Variants in PIAS2 observed in about 807,000 individuals in gnomAD.
PIAS2 encodes the protein E3 SUMO-protein ligase PIAS2.
PIAS2 carries 19 observed loss-of-function variants against 69.7 expected under a neutral mutation model. That is an observed-to-expected ratio of 0.27 (90% CI 0.19 to 0.40). The LOEUF is 0.40. Ranked by LOEUF, PIAS2 falls within the 10% of genes least tolerant of loss-of-function variation. The probability of loss-of-function intolerance (pLI) is 1.00; values close to 1 mark genes in which losing one functional copy is unlikely to be tolerated. For missense variants in PIAS2, 624 were observed against 757.0 expected (o/e 0.82, Z 2.06); for synonymous variants, 261 against 263.2 (o/e 0.99, Z 0.08).
intron 2 of PIAS2, among the ~76,000 whole-genome samples, chr18:46,882,940 A>C (rs1451185322): frequency 6.6e-6 from 1 of 151,992 alleles, no homozygotes; most frequent in Non-Finnish European, 1.5e-5. Context: ...AAAAATACAA[A>C]AATTAGCCAG....
At chr18:46,917,276 T>A in intron 1 of PIAS2, 46 bp downstream of exon 1, 1 of 1,440,276 alleles carries the variant, frequency 6.9e-7, no homozygotes, top group Non-Finnish European at 9.2e-7. Context: ...CCCCACCTCC[T>A]CTCCCATCCC....
chr18:46,905,514 C>T lies in PIAS2; in HGVS notation c.24+11808G>A, dbSNP rs531029223. On this transcript the variant is annotated intron_variant, in intron 1 of 13. Coordinates refer to ENST00000585916, the MANE Select transcript of PIAS2 (RefSeq NM_004671.5). The stretch of plus-strand genomic sequence containing the variant: ...AAATTAATGAAACAGGAAGGATACA[C>T]TAAAGAGCATAAACAATATCAAAAA... Among the ~76,000 whole-genome samples the T allele has an allele frequency of 1.6e-4, 24 of 151,942 alleles. No individual in the cohort carries two copies. In the South Asian group the frequency reaches 4.6e-3, roughly 29 times the overall value.
At chr18:46,822,175 T>C (rs900733116) in intron 11 of PIAS2, among the ~76,000 whole-genome samples, 12 of 152,198 alleles carry the variant, frequency 7.9e-5, no homozygotes, top group African/African-American at 2.7e-4. Context: ...GGAAAACTAT[T>C]TCATAACCTC....
At chr18:46,878,390 A>G (rs2051603128) in intron 2 of PIAS2, among the ~76,000 whole-genome samples, 1 of 152,242 alleles carries the variant, frequency 6.6e-6, no homozygotes, top group African/African-American at 2.4e-5. Context: ...TTCAACAGAT[A>G]TATTTTGTCA....
At position 46,828,103 on chromosome 18, in the gene PIAS2, G is replaced by A; in HGVS notation, c.1364C>T (p.Ser455Leu). The stretch of plus-strand genomic sequence containing the variant: ...GCTTGCCTCACTGGCTACAGTCACT[G>A]AACAAGGCTTACTGAGGACGCTTGA... Reference protein sequence around the residue: ...ESSSVLSKPCSVTVASEASKK... With the variant: ...ESSSVLSKPCLVTVASEASKK... The change falls in exon 11 of 14, where the codon TCA becomes TTA. Residue 455 changes from serine (S) to leucine (L), a missense_variant. This residue lies in a region of PIAS2 where 241 missense variants were observed against 257.3 expected (regional missense o/e 0.94). Coordinates refer to ENST00000585916, the MANE Select transcript of PIAS2 (RefSeq NM_004671.5). The A allele has an allele frequency of 6.2e-7, 1 of 1,612,288 alleles. No homozygotes were observed. Among genetic ancestry groups the A allele is most frequent in the South Asian group, 1.1e-5 (1 of 90,844 alleles).
intron 9 of PIAS2, among the ~76,000 whole-genome samples, chr18:46,832,800 G>C (rs2043850682): frequency 6.6e-6 from 1 of 150,578 alleles, no homozygotes; most frequent in Non-Finnish European, 1.5e-5. Flanking sequence ...GCTGAGGCAG[G>C]AGAATCACTT....
intron 12 of PIAS2, chr18:46,817,503 C>T: frequency 1.1e-6 from 1 of 943,142 alleles, no homozygotes; most frequent in Non-Finnish European, 1.3e-6. Context: ...TACTGTAATT[C>T]TCTTTGATGA....
At chr18:46,824,839 C>CA (rs35873943) in intron 11 of PIAS2, among the ~76,000 whole-genome samples, 11,335 of 91,440 alleles carry the variant, frequency 0.12, 532 homozygotes, top group Admixed American at 0.25. Flanking sequence ...CCCATGTTTA[C>CA]AAAAAAAAAA....
At position 46,913,357 on chromosome 18, in the gene PIAS2, G is replaced by A. The variant is rs575770047; in HGVS notation, c.24+3965C>T. 1.3e-4 allele frequency among the ~76,000 whole-genome samples: 20 copies of A among 152,132 alleles called. No homozygotes were observed. The South Asian group carries it at 3.1e-3, about 24-fold the overall frequency. On this transcript the variant is annotated intron_variant, in intron 1 of 13. Coordinates refer to ENST00000585916, the MANE Select transcript of PIAS2 (RefSeq NM_004671.5). The stretch of plus-strand genomic sequence containing the variant: ...CATGAAAGACCCAAATCTGATCTTC[G>A]AATTATGACACAACAAATTTACCCA...
chr18:46,815,320 C>T lies in PIAS2; in HGVS notation c.1678G>A (p.Asp560Asn). ...AAATTCAGGATACATACCTGGGGAT[C>T]AACTGGAATAAGGGAAAGAAAATCC... The part of the protein sequence containing the change: ...GLDFLSLIPV[D>N]PQYCPPMFLD... Residue 560 changes from aspartate to asparagine, a missense_variant, in exon 13 of 14, where the codon GAT (aspartate) becomes AAT (asparagine). Asp to Asn is a conservative substitution (Grantham distance 23). Around this residue, in one of 3 missense-constraint regions of PIAS2, gnomAD observed 241 missense variants for 257.3 expected, o/e 0.94. Transcript: ENST00000585916. 6.2e-7 allele frequency: 1 copy of T among 1,611,808 alleles called. No individual in the cohort carries two copies. Among genetic ancestry groups the T allele is most frequent in the South Asian group, 1.1e-5 (1 of 90,950 alleles).
At chr18:46,868,436 C>T (rs2049822582) in intron 2 of PIAS2, among the ~76,000 whole-genome samples, 2 of 152,146 alleles carry the variant, frequency 1.3e-5, no homozygotes, top group Non-Finnish European at 1.5e-5. Flanking sequence ...CTACCCTTCC[C>T]GCCTTTGCCG....
chr18:46,850,223 A>G (rs1211598923), intron 5 of PIAS2, among the ~76,000 whole-genome samples: 1 of 152,194 alleles, frequency 6.6e-6, no homozygotes, highest in Non-Finnish European at 1.5e-5. Context: ...ATTTTAAAGC[A>G]AATCTCAGAT....
intron 3 of PIAS2, among the ~76,000 whole-genome samples, chr18:46,859,017 G>A (rs573694284): frequency 1.8e-4 from 28 of 152,072 alleles, no homozygotes; most frequent in Non-Finnish European, 3.2e-4. Flanking sequence ...AGGGGCATAC[G>A]GACCTAAGTG....
At chr18:46,827,388 T>A (rs1156415824) in intron 11 of PIAS2, 1 of 152,180 alleles carries the variant, frequency 6.6e-6, no homozygotes, top group Non-Finnish European at 1.5e-5. Context: ...CCTACCCACC[T>A]ATATTTTGCC....
intron 1 of PIAS2, among the ~76,000 whole-genome samples, chr18:46,909,709 C>A (rs1202499756): frequency 6.6e-6 from 1 of 152,124 alleles, no homozygotes; most frequent in African/African-American, 2.4e-5. Flanking sequence ...TTCTTAAATA[C>A]CAGCAATTCT....
chr18:46,875,972 T>C (rs551353281), intron 2 of PIAS2, among the ~76,000 whole-genome samples: 126 of 152,320 alleles, frequency 8.3e-4, no homozygotes, highest in African/African-American at 2.8e-3. Context: ...GAGGGCCACG[T>C]CAATTTTACC....
At chr18:46,851,743 G>A (rs894552812) in intron 5 of PIAS2, among the ~76,000 whole-genome samples, 2 of 152,196 alleles carry the variant, frequency 1.3e-5, no homozygotes, top group East Asian at 1.9e-4. Flanking sequence ...CTAGGGACAC[G>A]TTGCCATTTT....
intron 9 of PIAS2, among the ~76,000 whole-genome samples, chr18:46,831,429 T>C (rs944755958): frequency 6.6e-6 from 1 of 152,200 alleles, no homozygotes; most frequent in African/African-American, 2.4e-5. Flanking sequence ...CACCACAGAC[T>C]TATCTACAGA....
At chr18:46,822,252 T>C (rs560231652) in intron 11 of PIAS2, among the ~76,000 whole-genome samples, 1 of 152,268 alleles carries the variant, frequency 6.6e-6, no homozygotes, top group South Asian at 2.1e-4. Flanking sequence ...ATCTTGAGAG[T>C]ACATACATTG....
Sources: allele counts gnomAD v4.1 joint callset (sites outside exome capture counted in the v4.1 genomes callset), GRCh38; gene constraint gnomAD v4.1.1; regional missense constraint gnomAD v4.1.1; transcripts MANE v1.5; gene names NCBI Gene and HGNC (gene_info 2026-07-23, HGNC 2026-07-21).